TRAPPC9: variants seen among roughly 807,000 people sequenced by gnomAD.
TRAPPC9 encodes the protein trafficking protein particle complex subunit 9.
TRAPPC9 carries 83 observed loss-of-function variants against 124.0 expected under a neutral mutation model. The ratio of observed to expected loss-of-function variants is 0.67; its 90% CI spans 0.56 to 0.80. The LOEUF (loss-of-function observed/expected upper bound fraction) is 0.80, where lower values mean the gene tolerates loss of function less well. Among genes scored for constraint, TRAPPC9 ranks in the 30% least tolerant of loss-of-function variants. The pLI is 0.00. For synonymous variants in TRAPPC9, 638 were observed against 617.5 expected (o/e 1.03, Z -0.49); for missense variants, 1,302 against 1,508.3 (o/e 0.86, Z 2.27).
chr8:139,922,012 G>A (rs921739350), intron 19 of TRAPPC9, among the ~76,000 whole-genome samples: 1 of 152,134 alleles, frequency 6.6e-6, no homozygotes, highest in Non-Finnish European at 1.5e-5. Flanking sequence ...AATGTCAAAG[G>A]CTAGTGTTCA....
At chr8:140,201,247 T>G (rs73727525) in intron 17 of TRAPPC9, among the ~76,000 whole-genome samples, 3,094 of 152,328 alleles carry the variant, frequency 0.02, 93 homozygotes, top group African/African-American at 0.066. Context: ...TCCAGCCAGT[T>G]TGCTTCCTCT....
intron 21 of TRAPPC9, among the ~76,000 whole-genome samples, chr8:139,736,655 G>T (rs1818185933): frequency 7.0e-6 from 1 of 143,120 alleles, no homozygotes; most frequent in South Asian, 2.1e-4. Context: ...AGGAAATGTG[G>T]TGGAAACGGG....
At chr8:140,116,235 T>C (rs1011861446) in intron 17 of TRAPPC9, among the ~76,000 whole-genome samples, 1 of 152,166 alleles carries the variant, frequency 6.6e-6, no homozygotes, top group Non-Finnish European at 1.5e-5. Flanking sequence ...TAGGGTGAGA[T>C]GTGATCGTAC....
intron 15 of TRAPPC9, among the ~76,000 whole-genome samples, chr8:140,266,134 C>T (rs1191872061): frequency 6.6e-6 from 1 of 151,794 alleles, no homozygotes; most frequent in Non-Finnish European, 1.5e-5. Context: ...AGCAAGAGTT[C>T]ACCTCTTTCA....
chr8:140,323,897 T>TA (rs1491431767), intron 9 of TRAPPC9, among the ~76,000 whole-genome samples: 8 of 30,064 alleles, frequency 2.7e-4, no homozygotes, highest in Non-Finnish European at 5.0e-4. Flanking sequence ...AAAAAATATA[T>TA]TTTTTTTTAT....
intron 9 of TRAPPC9, among the ~76,000 whole-genome samples, chr8:140,345,580 T>C (rs779703624): frequency 6.6e-6 from 1 of 152,214 alleles, no homozygotes; most frequent in Non-Finnish European, 1.5e-5. Context: ...CAGATATGTA[T>C]TGGCCGGCAC....
chr8:139,846,431 A>C (rs1827090410), intron 21 of TRAPPC9, among the ~76,000 whole-genome samples: 1 of 152,212 alleles, frequency 6.6e-6, no homozygotes. Context: ...TGAAACGCAG[A>C]CTCATCTCTC....
intron 17 of TRAPPC9, among the ~76,000 whole-genome samples, chr8:140,120,256 G>A (rs1164565175): frequency 6.6e-6 from 1 of 152,148 alleles, no homozygotes; most frequent in Non-Finnish European, 1.5e-5. Context: ...TCAAAGTATG[G>A]TGTAATTTCT....
chr8:140,415,740 GAGA>G (rs1554683236), intron 5 of TRAPPC9, among the ~76,000 whole-genome samples: 2 of 152,114 alleles, frequency 1.3e-5, no homozygotes, highest in Non-Finnish European at 2.9e-5. Context: ...AAGCAGAGGT[GAGA>G]AGATCACTTG....
chr8:140,141,161 C>T (rs1045871357), intron 17 of TRAPPC9, among the ~76,000 whole-genome samples: 1 of 152,176 alleles, frequency 6.6e-6, no homozygotes, highest in Admixed American at 6.5e-5. Flanking sequence ...TATAGTTGTC[C>T]TCCCTTTTCC....
intron 21 of TRAPPC9, among the ~76,000 whole-genome samples, chr8:139,737,759 CCT>C (rs1173732166): frequency 6.6e-6 from 1 of 152,190 alleles, no homozygotes; most frequent in Non-Finnish European, 1.5e-5. Context: ...TGAATCTCCA[CCT>C]CTCTGACGCC....
At position 140,227,344 on chromosome 8, in the gene TRAPPC9, C is replaced by T. The variant is rs118105051; in HGVS notation, c.2432-5761G>A. ...TAGAACAGAGAACAGATTGGGATGA[C>T]AATTAATAGGAAGACAGGACAAAAA... On this transcript the variant is annotated intron_variant, in intron 16 of 22. Coordinates refer to ENST00000438773, the MANE Select transcript of TRAPPC9 (RefSeq NM_001160372.4). Among the ~76,000 whole-genome samples the T allele has an allele frequency of 9.9e-4, 150 of 152,070 alleles. No homozygotes were observed. In the East Asian group the frequency reaches 0.023, roughly 24 times the overall value.
intron 17 of TRAPPC9, among the ~76,000 whole-genome samples, chr8:140,046,589 A>G (rs1387931967): frequency 6.6e-6 from 1 of 152,238 alleles, no homozygotes; most frequent in Non-Finnish European, 1.5e-5. Flanking sequence ...TTCCCAGAGC[A>G]TTCTTGGATG....
intron 7 of TRAPPC9, among the ~76,000 whole-genome samples, chr8:140,377,686 G>A (rs933581481): frequency 2.6e-5 from 4 of 152,024 alleles, no homozygotes; most frequent in Non-Finnish European, 5.9e-5. Flanking sequence ...AATTAAACAA[G>A]ACCATACACA....
intron 18 of TRAPPC9, among the ~76,000 whole-genome samples, chr8:139,993,058 G>A (rs1223456308): frequency 6.6e-6 from 1 of 152,128 alleles, no homozygotes; most frequent in Non-Finnish European, 1.5e-5. Context: ...ATGTTTGGCT[G>A]CATTAAAATT....
At chr8:139,737,404 G>C (rs1383255164) in intron 21 of TRAPPC9, among the ~76,000 whole-genome samples, 1 of 138,486 alleles carries the variant, frequency 7.2e-6, no homozygotes, top group African/African-American at 2.7e-5. Flanking sequence ...CCCCTCCCTC[G>C]GCCGCTCCTC....
chr8:140,189,157 T>C (rs1470196296), intron 17 of TRAPPC9, among the ~76,000 whole-genome samples: 3 of 152,248 alleles, frequency 2.0e-5, no homozygotes, highest in South Asian at 2.1e-4. Flanking sequence ...TCTCTGCCTG[T>C]GCTCTTTCAA....
intron 19 of TRAPPC9, among the ~76,000 whole-genome samples, chr8:139,940,987 G>A (rs1380986013): frequency 1.3e-5 from 2 of 152,342 alleles, no homozygotes; most frequent in Middle Eastern, 3.4e-3. Context: ...ATGAAGGGGG[G>A]TTGGGGTAGC....
intron 19 of TRAPPC9, among the ~76,000 whole-genome samples, chr8:139,943,600 G>C (rs1186239715): frequency 6.6e-6 from 1 of 152,132 alleles, no homozygotes; most frequent in African/African-American, 2.4e-5. Flanking sequence ...TACAGACGTT[G>C]CAATTAGCAG....
Sources: gnomAD v4.1 joint callset for allele counts (sites outside exome capture counted in the v4.1 genomes callset) on GRCh38, gnomAD v4.1.1 for gene constraint, MANE v1.5 for transcripts, NCBI Gene and HGNC (gene_info 2026-07-23, HGNC 2026-07-21) for gene names.